The following TTC27 variants were observed in gnomAD, a reference collection of about 807,000 sequenced individuals.
TTC27 encodes tetratricopeptide repeat domain 27, also known as tetratricopeptide repeat protein 27.
A neutral mutation model predicts 115.9 loss-of-function variants in TTC27; 79 were observed. The ratio of observed to expected loss-of-function variants is 0.68; its 90% CI spans 0.57 to 0.82. The LOEUF (loss-of-function observed/expected upper bound fraction) is 0.82. Among genes scored for constraint, TTC27 ranks in the 40% least tolerant of loss-of-function variants. The probability of loss-of-function intolerance (pLI) is 0.00; values close to 1 mark genes in which losing one functional copy is unlikely to be tolerated. For missense variants in TTC27, 1,054 were observed against 993.1 expected (o/e 1.06, Z -0.82); for synonymous variants, 401 against 356.0 (o/e 1.13, Z -1.42).
intron 12 of TTC27, among the ~76,000 whole-genome samples, chr2:32,751,456 G>A (rs1669012556): frequency 6.6e-6 from 1 of 152,086 alleles, no homozygotes; most frequent in Non-Finnish European, 1.5e-5. Flanking sequence ...ACTTAGTAGA[G>A]GATCTGCTGG....
chr2:32,720,665 T>G (rs951441999), intron 10 of TTC27, among the ~76,000 whole-genome samples: 1 of 152,204 alleles, frequency 6.6e-6, no homozygotes, highest in African/African-American at 2.4e-5. Flanking sequence ...TAAAAAATAG[T>G]GAATTAATGC....
chr2:32,749,374 C>T (rs1415920267), intron 12 of TTC27, among the ~76,000 whole-genome samples: 1 of 152,134 alleles, frequency 6.6e-6, no homozygotes, highest in Non-Finnish European at 1.5e-5. Context: ...GGCTGCCAGG[C>T]CACTAGTTTT....
rs1449850920 is a variant in TTC27, at chr2:32,628,360, A to G, written c.68A>G (p.Gln23Arg). 3 of 1,605,632 alleles carry G rather than the reference A, an allele frequency of 1.9e-6. No individual in the cohort carries two copies. The highest frequency in any genetic ancestry group is 3.4e-5 in the Admixed American group (2 of 58,370). The change falls in exon 1 of 20, where the codon CAG becomes CGG. Residue 23 changes from glutamine to arginine, a missense_variant. Gln to Arg is a conservative substitution (Grantham distance 43). Coordinates refer to ENST00000317907, the MANE Select transcript of TTC27 (RefSeq NM_017735.5). ...GAGGCTGAGCGGCAGCAATGGAAAC[A>G]GGAGGGGGTCGTCGGTTCAGGTGAG... is the stretch of plus-strand genomic sequence containing the variant. ...PTEAERQQWK[Q>R]EGVVGSESGS...
chr2:32,735,985 AT>A (rs1173328468), intron 11 of TTC27, among the ~76,000 whole-genome samples: 4 of 152,234 alleles, frequency 2.6e-5, no homozygotes, highest in Non-Finnish European at 5.9e-5. Context: ...TAGTAAAAGT[AT>A]ACTTAAGAGA....
intron 11 of TTC27, among the ~76,000 whole-genome samples, chr2:32,735,742 A>G (rs1408158081): frequency 1.3e-5 from 2 of 152,198 alleles, no homozygotes; most frequent in African/African-American, 4.8e-5. Flanking sequence ...CTCACTGCAT[A>G]AGCACCAAGA....
chr2:32,700,570 G>A (rs1054966848), intron 9 of TTC27, among the ~76,000 whole-genome samples: 2 of 151,806 alleles, frequency 1.3e-5, no homozygotes, highest in African/African-American at 2.4e-5. Flanking sequence ...ATAGTTTTGC[G>A]CTTGTTGCCT....
Position 32,666,773 on chromosome 2 carries a change from G to A in TTC27, c.939+5G>A. ...CCTCAGGAACATTTAACCAAGGCAA[G>A]TAGGACATTAAGTTATTAAATTCAA... On this transcript the variant is annotated splice_donor_5th_base_variant and intron_variant, in intron 7 of 19. Transcript: ENST00000317907. The A allele has an allele frequency of 6.2e-7, 1 of 1,611,510 alleles. No homozygotes were observed. Among genetic ancestry groups the A allele is most frequent in the Non-Finnish European group, 8.5e-7 (1 of 1,178,832 alleles).
At chr2:32,744,499 T>C (rs1668750908) in intron 12 of TTC27, among the ~76,000 whole-genome samples, 1 of 152,174 alleles carries the variant, frequency 6.6e-6, no homozygotes, top group Non-Finnish European at 1.5e-5. Flanking sequence ...TTATGGAAAA[T>C]ATTAATGTTC....
chr2:32,813,639 A>G (rs559441923), intron 18 of TTC27, among the ~76,000 whole-genome samples: 3 of 152,350 alleles, frequency 2.0e-5, no homozygotes, highest in East Asian at 3.9e-4. Flanking sequence ...CTTGAGCTAT[A>G]GATGATAAGG....
At chr2:32,792,498 G>T (rs201820914) in intron 16 of TTC27, among the ~76,000 whole-genome samples, 8 of 151,076 alleles carry the variant, frequency 5.3e-5, no homozygotes, top group South Asian at 2.1e-4. Flanking sequence ...TTGTTTTTTG[G>T]TTTTTTTTTG....
intron 16 of TTC27, among the ~76,000 whole-genome samples, chr2:32,799,750 C>G (rs1228657483): frequency 6.6e-6 from 1 of 152,126 alleles, no homozygotes; most frequent in Non-Finnish European, 1.5e-5. Context: ...ATAGAGAATT[C>G]AGAAACAGAT....
chr2:32,745,276 G>T (rs1386865059), intron 12 of TTC27, among the ~76,000 whole-genome samples: 2 of 152,042 alleles, frequency 1.3e-5, no homozygotes, highest in Admixed American at 1.3e-4. Context: ...CTCTTCCAGG[G>T]GCTCAGATGA....
At chr2:32,751,605 C>G (rs1483000670) in intron 12 of TTC27, among the ~76,000 whole-genome samples, 1 of 152,162 alleles carries the variant, frequency 6.6e-6, no homozygotes, top group Non-Finnish European at 1.5e-5. Context: ...CCCAACCACT[C>G]ATCGTGATGA....
intron 9 of TTC27, among the ~76,000 whole-genome samples, chr2:32,684,044 G>A (rs1348251600): frequency 6.6e-6 from 1 of 152,138 alleles, no homozygotes; most frequent in African/African-American, 2.4e-5. Flanking sequence ...TATAATCCCA[G>A]CTACTCAGGA....
chr2:32,739,319 A>G (rs1668549701), intron 12 of TTC27, among the ~76,000 whole-genome samples: 1 of 152,206 alleles, frequency 6.6e-6, no homozygotes, highest in Admixed American at 6.5e-5. Flanking sequence ...AAGTTGGTAA[A>G]TCACAAATGC....
At chr2:32,783,786 G>A (rs1670259294) in intron 15 of TTC27, among the ~76,000 whole-genome samples, 1 of 152,230 alleles carries the variant, frequency 6.6e-6, no homozygotes, top group Non-Finnish European at 1.5e-5. Flanking sequence ...GCTATGAAAA[G>A]CGAAGGAAAG....
At chr2:32,801,633 G>A (rs913275061) in intron 16 of TTC27, among the ~76,000 whole-genome samples, 2 of 152,196 alleles carry the variant, frequency 1.3e-5, no homozygotes, top group South Asian at 4.1e-4. Context: ...TCTGTTTCAG[G>A]AAGAAAACAG....
chr2:32,664,670 A>G lies in TTC27; in HGVS notation c.805+203A>G, dbSNP rs78448690. Among the ~76,000 whole-genome samples the G allele has an allele frequency of 2.9e-4, 44 of 152,246 alleles. No individual in the cohort carries two copies. The East Asian group carries it at 7.9e-3, about 27-fold the overall frequency. ...TCCTTATTTCTAGAGTTTTCCATTT[A>G]TTGCGCTGATCTGTTTAGCCGTGTT... On this transcript the variant is annotated intron_variant, in intron 6 of 19. Coordinates refer to ENST00000317907, the MANE Select transcript of TTC27 (RefSeq NM_017735.5).
chr2:32,657,607 G>T (rs1451178066), intron 5 of TTC27, among the ~76,000 whole-genome samples: 2 of 151,974 alleles, frequency 1.3e-5, no homozygotes, highest in South Asian at 2.1e-4. Context: ...AAAGACAAAG[G>T]GGTATCTGTT....
Sources: gnomAD v4.1 joint callset for allele counts (sites outside exome capture counted in the v4.1 genomes callset) on GRCh38, gnomAD v4.1.1 for gene constraint, MANE v1.5 for transcripts, NCBI Gene and HGNC (gene_info 2026-07-23, HGNC 2026-07-21) for gene names.